Variants in TENT4B observed in about 807,000 individuals in gnomAD.
The protein encoded by TENT4B is PAP associated domain containing 5.
In TENT4B, 10 loss-of-function variants were observed where a neutral mutation model predicts 75.0. That is an observed-to-expected ratio of 0.13 (90% CI 0.08 to 0.23). The LOEUF (loss-of-function observed/expected upper bound fraction) is 0.23, where lower values mean the gene tolerates loss of function less well. Among genes scored for constraint, TENT4B ranks in the 10% least tolerant of loss-of-function variants. TENT4B has a pLI of 1.00. For synonymous variants in TENT4B, 350 were observed against 357.7 expected, an observed-to-expected ratio of 0.98 and a Z score of 0.24; for missense variants, 579 against 893.8, an observed-to-expected ratio of 0.65 and a Z score of 4.49.
At chr16:50,212,984 C>A (rs2031367517) in intron 2 of TENT4B, among the ~76,000 whole-genome samples, 1 of 152,142 alleles carries the variant, frequency 6.6e-6, no homozygotes, top group Non-Finnish European at 1.5e-5. Flanking sequence ...ATCTGTCTAC[C>A]TACAGATGAG....
chr16:50,203,437 T>C (rs955827158), intron 1 of TENT4B, among the ~76,000 whole-genome samples: 1 of 152,224 alleles, frequency 6.6e-6, no homozygotes, highest in African/African-American at 2.4e-5. Context: ...GGTAGGCACG[T>C]TGTGTAAACT....
chr16:50,214,176 A>G lies in TENT4B; in HGVS notation c.763-45A>G, dbSNP rs769104236. 2.8e-6 allele frequency: 4 copies of G among 1,419,724 alleles called. No individual in the cohort carries two copies. The East Asian group carries it at 9.2e-5, about 33-fold the overall frequency. 87.9% of individuals were successfully genotyped at this position (1,419,724 alleles called of 1,614,324 possible). On this transcript the variant is annotated intron_variant, in intron 2 of 11. Coordinates refer to ENST00000561678, the MANE Select transcript of TENT4B (RefSeq NM_001365324.3). ...ATCTTGGTGACTCAATATGATAACA[A>G]CTTCTGATAACTCAATATAATAACA...
intron 1 of TENT4B, among the ~76,000 whole-genome samples, chr16:50,156,287 C>G (rs1279731382): frequency 6.6e-6 from 1 of 151,648 alleles, no homozygotes; most frequent in African/African-American, 2.4e-5. Context: ...AAACAATTCC[C>G]AAGAGTGTTA....
intron 1 of TENT4B, among the ~76,000 whole-genome samples, chr16:50,163,422 T>C (rs542948011): frequency 2.4e-3 from 357 of 149,988 alleles, no homozygotes; most frequent in Non-Finnish European, 3.9e-3. Flanking sequence ...AATTTCTTTT[T>C]TTTTTTTTTT....
rs1596740863 is a variant in TENT4B, at chr16:50,217,546, C to T, written c.931-10C>T. Reference sequence around the variant, plus strand: ...AAAGCATTTACATTTTACCTTTCTTCTCTTTATAGGTACCTATTATTAAAT... The same window carrying T: ...AAAGCATTTACATTTTACCTTTCTTTTCTTTATAGGTACCTATTATTAAAT... On this transcript the variant is annotated splice_polypyrimidine_tract_variant and intron_variant, in intron 4 of 11. Transcript: ENST00000561678. 2.2e-6 allele frequency: 3 copies of T among 1,372,362 alleles called. No individual in the cohort carries two copies. Among genetic ancestry groups the T allele is most frequent in the Non-Finnish European group, 3.0e-6 (3 of 1,015,428 alleles). 85.0% of individuals were successfully genotyped at this position (1,372,362 alleles called of 1,614,324 possible). A position where few individuals can be genotyped will look rare whatever the true frequency, so the allele number is the denominator to read the frequency against.
intron 1 of TENT4B, among the ~76,000 whole-genome samples, chr16:50,201,059 C>T (rs1369719429): frequency 6.6e-6 from 1 of 152,092 alleles, no homozygotes; most frequent in African/African-American, 2.4e-5. Flanking sequence ...CCCTCAGCCT[C>T]CCAAAGTGCT....
At chr16:50,182,627 T>C (rs2038436595) in intron 1 of TENT4B, among the ~76,000 whole-genome samples, 1 of 152,182 alleles carries the variant, frequency 6.6e-6, no homozygotes, top group Non-Finnish European at 1.5e-5. Flanking sequence ...AAATACACTT[T>C]CCTATGTGAA....
chr16:50,214,192 TATA>T, intron 2 of TENT4B, 26 bp from the exon 3 acceptor site: 1 of 1,510,692 alleles, frequency 6.6e-7, no homozygotes, highest in Non-Finnish European at 9.1e-7. Context: ...GATAACTCAA[TATA>T]ATAACAACTT....
chr16:50,171,938 T>TAACGCAGCAGAGGTTGCAGTGAGCC (rs2038214011), intron 1 of TENT4B, among the ~76,000 whole-genome samples: 1 of 151,788 alleles, frequency 6.6e-6, no homozygotes, highest in Non-Finnish European at 1.5e-5. Context: ...TGCAGTGAGC[T>TAACGCAGCAGAGGTTGCAGTGAGCC]AACGCAGCAG....
At chr16:50,204,490 C>T (rs1055212034) in intron 1 of TENT4B, among the ~76,000 whole-genome samples, 1 of 152,028 alleles carries the variant, frequency 6.6e-6, no homozygotes, top group African/African-American at 2.4e-5. Context: ...TTGTTTAGTT[C>T]GAGGTGACAT....
At chr16:50,166,899 G>A (rs1265114873) in intron 1 of TENT4B, among the ~76,000 whole-genome samples, 1 of 151,424 alleles carries the variant, frequency 6.6e-6, no homozygotes, top group African/African-American at 2.4e-5. Context: ...CAAAGTGCTG[G>A]AATTAGAGGC....
At chr16:50,164,797 A>G (rs2038068273) in intron 1 of TENT4B, among the ~76,000 whole-genome samples, 1 of 151,824 alleles carries the variant, frequency 6.6e-6, no homozygotes, top group Admixed American at 6.6e-5. Context: ...ACTGCCTGTA[A>G]CCTTGGCACT....
rs2032379350 is a variant in TENT4B, at chr16:50,234,177, G to A, written c.*4849G>A. The A allele has an allele frequency of 1.2e-5, 12 of 985,442 alleles. No homozygotes were observed. In the South Asian group the frequency reaches 4.7e-4, roughly 39 times the overall value. The allele number at this position is 985,442 out of a possible 1,614,324, so 61.0% of individuals were successfully genotyped here. ...TGAAGTAAACAAGTTGCTCAGGCCG[G>A]GCATGGTGGCTCACGCCTGTAATCC... is the stretch of plus-strand genomic sequence containing the variant. On this transcript the variant is annotated 3_prime_UTR_variant, in exon 12 of 12. Transcript: ENST00000561678.
Position 50,197,473 on chromosome 16 carries a change from G to A in TENT4B, c.639-13850G>A, listed in dbSNP as rs1343571114. 1.1e-4 allele frequency among the ~76,000 whole-genome samples: 16 copies of A among 152,136 alleles called. No individual in the cohort carries two copies. The South Asian group carries it at 3.1e-3, about 30-fold the overall frequency. On this transcript the variant is annotated intron_variant, in intron 1 of 11. Coordinates refer to ENST00000561678, the MANE Select transcript of TENT4B (RefSeq NM_001365324.3). ...CTGGGTGATTTTTGTATTTTTTGTAGACATGGGGTTTTGCCATGTTGCCCA... is the reference window on the plus strand; with the variant it reads ...CTGGGTGATTTTTGTATTTTTTGTAAACATGGGGTTTTGCCATGTTGCCCA...
rs542203132 is a variant in TENT4B, at chr16:50,234,835, G to C, written c.*5507G>C. The C allele has an allele frequency of 1.0e-6, 1 of 985,654 alleles. No homozygotes were observed. The highest frequency in any genetic ancestry group is 4.7e-5 in the South Asian group (1 of 21,284). 61.1% of individuals were successfully genotyped at this position (985,654 alleles called of 1,614,324 possible). ...GACTGTTGAGTTAAACATTTTTAGT[G>C]GAATATACATAGATAACGTGTATTT... On this transcript the variant is annotated 3_prime_UTR_variant, in exon 12 of 12. Transcript: ENST00000561678.
At chr16:50,228,713 G>A (rs183136578) in intron 11 of TENT4B, among the ~76,000 whole-genome samples, 9 of 152,340 alleles carry the variant, frequency 5.9e-5, no homozygotes, top group Admixed American at 5.2e-4. Flanking sequence ...ACCAGTTCAA[G>A]TGACAGGGTT....
intron 1 of TENT4B, among the ~76,000 whole-genome samples, chr16:50,204,092 A>G (rs2030813844): frequency 1.3e-5 from 2 of 152,286 alleles, no homozygotes; most frequent in South Asian, 2.1e-4. Flanking sequence ...GAGTGAGGCT[A>G]GAAAGGTAGG....
chr16:50,174,107 G>A (rs551910523), intron 1 of TENT4B, among the ~76,000 whole-genome samples: 2 of 152,018 alleles, frequency 1.3e-5, no homozygotes, highest in Middle Eastern at 6.8e-3. Flanking sequence ...CTTTTTGTTT[G>A]CTTTTTTTGA....
At chr16:50,187,898 G>A (rs1375956373) in intron 1 of TENT4B, among the ~76,000 whole-genome samples, 5 of 151,942 alleles carry the variant, frequency 3.3e-5, no homozygotes, top group Non-Finnish European at 5.9e-5. Flanking sequence ...AACCTCTGAT[G>A]CATAAAATAT....
Sources: gnomAD v4.1 joint callset for allele counts (sites outside exome capture counted in the v4.1 genomes callset) on GRCh38, gnomAD v4.1.1 for gene constraint, MANE v1.5 for transcripts, NCBI Gene and HGNC (gene_info 2026-07-23, HGNC 2026-07-21) for gene names.